The following CREBBP variants were observed in gnomAD, a reference collection of about 807,000 sequenced individuals.
CREBBP encodes the protein CREB binding lysine acetyltransferase, also known as CREB-binding protein.
CREBBP carries 19 observed loss-of-function variants against 265.0 expected under a neutral mutation model. The observed-to-expected ratio is 0.07, with a 90% CI of 0.05 to 0.11. CREBBP has a LOEUF of 0.11. Among genes scored for constraint, CREBBP ranks in the 10% least tolerant of loss-of-function variants. The probability of loss-of-function intolerance (pLI) is 1.00; values close to 1 mark genes in which losing one functional copy is unlikely to be tolerated. For missense variants in CREBBP, 2,525 were observed against 3,219.0 expected (o/e 0.78, Z 5.22); for synonymous variants, 1,457 against 1,223.7 (o/e 1.19, Z -3.98).
At chr16:3,842,519 ATTG>A (rs2054583465) in intron 2 of CREBBP, among the ~76,000 whole-genome samples, 1 of 152,208 alleles carries the variant, frequency 6.6e-6, no homozygotes, top group African/African-American at 2.4e-5. Flanking sequence ...AAATAAAGAA[ATTG>A]TTTTTTCTTT....
intron 2 of CREBBP, among the ~76,000 whole-genome samples, chr16:3,835,127 C>A (rs2054418766): frequency 2.0e-5 from 3 of 152,264 alleles, no homozygotes; most frequent in Middle Eastern, 3.4e-3. Context: ...CCACTGCACT[C>A]CGGCCTGGGC....
chr16:3,850,269 A>T (rs773649433), intron 2 of CREBBP, 28 bp downstream of exon 2: 1 of 1,611,230 alleles, frequency 6.2e-7, no homozygotes, highest in South Asian at 1.1e-5. Context: ...TTAGGTAGGA[A>T]GTATTGAAAG....
chr16:3,836,125 C>CA (rs1374943534), intron 2 of CREBBP, among the ~76,000 whole-genome samples: 1 of 151,916 alleles, frequency 6.6e-6, no homozygotes, highest in Non-Finnish European at 1.5e-5. Context: ...TGAGAACAGG[C>CA]AAAGCAATTC....
rs551393304 is a variant in CREBBP, at chr16:3,747,267, A to G, written c.3837-1913T>C. ...ACACTAGAACCAGTGCTATTCTTCA[A>G]AACCTCCTCAGCACATTATAGGATA... On this transcript the variant is annotated intron_variant, in intron 21 of 30. Transcript: ENST00000262367. Among the ~76,000 whole-genome samples the G allele has an allele frequency of 5.9e-5, 9 of 152,320 alleles. No individual in the cohort carries two copies. The South Asian group carries it at 1.0e-3, about 18-fold the overall frequency.
At chr16:3,868,363 T>C (rs1281516603) in intron 1 of CREBBP, among the ~76,000 whole-genome samples, 3 of 149,878 alleles carry the variant, frequency 2.0e-5, no homozygotes, top group East Asian at 2.1e-4. Context: ...GGGGCCCTTT[T>C]CCTGCCAAAA....
rs2072381 is a variant in CREBBP, at chr16:3,731,312, G to A, written c.5052C>T (p.Ser1684=). 3.6e-3 allele frequency: 5,780 copies of A among 1,614,162 alleles called. 314 individuals are homozygous for A. In the East Asian group the frequency reaches 0.11, roughly 31 times the overall value. Residue 1684 remains serine (S), a synonymous_variant, in exon 30 of 31, where the codon TCC becomes TCT. Transcript: ENST00000262367. This position sits in a 1 kb window ranked among gnomAD's most constrained non-coding sequence, Gnocchi z 7.7. ...CCAGCATGCAGAGCGTGGACCACTT[G>A]GAGCGGCGCAAGGAGGAGAACTCCC... The part of the protein sequence containing the change: ...KHWEFSSLRR[S]KWSTLCMLVE...
chr16:3,803,714 C>T (rs886598098), intron 3 of CREBBP, among the ~76,000 whole-genome samples: 35 of 152,066 alleles, frequency 2.3e-4, no homozygotes, highest in African/African-American at 8.2e-4. Context: ...TCTTCCTGGA[C>T]CCACAGCCAC....
chr16:3,765,114 C>T lies in CREBBP; in HGVS notation c.3250+2606G>A, dbSNP rs534788316. 5.9e-5 allele frequency among the ~76,000 whole-genome samples: 9 copies of T among 152,232 alleles called. No homozygotes were observed. The East Asian group carries it at 1.7e-3, about 29-fold the overall frequency. On this transcript the variant is annotated intron_variant, in intron 16 of 30. Coordinates refer to ENST00000262367, the MANE Select transcript of CREBBP (RefSeq NM_004380.3). Reference sequence around the variant, plus strand: ...TCAGCCTCCCGAGCAGCTGGGACTACAGGCGCCCGCCACCACGCCCGCATA... The same window carrying T: ...TCAGCCTCCCGAGCAGCTGGGACTATAGGCGCCCGCCACCACGCCCGCATA...
intron 13 of CREBBP, among the ~76,000 whole-genome samples, 168 bp from the exon 14 acceptor site, chr16:3,771,154 C>T (rs959586677): frequency 5.9e-5 from 9 of 152,054 alleles, no homozygotes; most frequent in Non-Finnish European, 1.3e-4. Flanking sequence ...CTGCAGCCTC[C>T]GCCTCCTGGG....
In CREBBP at chr16:3,729,161, G is replaced by A. The variant is rs370565083; in HGVS notation, c.5886C>T (p.Ile1962=). ...PPAAVEAARQ[I]EREAQQQQHL... The stretch of plus-strand genomic sequence containing the variant: ...GCTGCTGCTGCTGGGCCTCACGCTC[G>A]ATCTGCCGAGCCGCTTCCACCGCTG... The change falls in exon 31 of 31, where the codon ATC becomes ATT. Residue 1962 remains isoleucine (I), a synonymous_variant. Transcript: ENST00000262367. 198 of 1,472,474 alleles carry A rather than the reference G, an allele frequency of 1.3e-4. No homozygotes were observed. In the African/African-American group the frequency reaches 1.6e-3, roughly 12 times the overall value. The allele number at this position is 1,472,474 out of a possible 1,614,324, so 91.2% of individuals were successfully genotyped here.
At chr16:3,839,716 AGGGGAG>A (rs1238707731) in intron 2 of CREBBP, among the ~76,000 whole-genome samples, 9 of 18,400 alleles carry the variant, frequency 4.9e-4, no homozygotes, top group African/African-American at 1.1e-3. Context: ...AGGGAAGGGG[AGGGGAG>A]GGGGAGGGGG....
chr16:3,880,070 G>T lies in CREBBP; in HGVS notation c.-154C>A. On this transcript the variant is annotated 5_prime_UTR_variant, in exon 1 of 31. Coordinates refer to ENST00000262367, the MANE Select transcript of CREBBP (RefSeq NM_004380.3). Reference sequence around the variant, plus strand: ...CCGAGGGAGAGGGAGGGCGCAGGCCGGGTGGGGGAGGCGGCGGCCAAATCT... The same window carrying T: ...CCGAGGGAGAGGGAGGGCGCAGGCCTGGTGGGGGAGGCGGCGGCCAAATCT... 2 of 394,956 alleles carry T rather than the reference G, an allele frequency of 5.1e-6. No homozygotes were observed. Among genetic ancestry groups the T allele is most frequent in the South Asian group, 1.1e-4 (1 of 8,870 alleles). The allele number at this position is 394,956 out of a possible 1,614,324, so 24.5% of individuals were successfully genotyped here.
chr16:3,787,859 A>T (rs1438431434), intron 5 of CREBBP, among the ~76,000 whole-genome samples: 1 of 152,130 alleles, frequency 6.6e-6, no homozygotes, highest in Non-Finnish European at 1.5e-5. Context: ...GTATTTTAGT[A>T]GAGACGGGGT....
intron 2 of CREBBP, among the ~76,000 whole-genome samples, chr16:3,812,397 T>A (rs562699245): frequency 7.2e-5 from 11 of 152,196 alleles, no homozygotes; most frequent in Non-Finnish European, 1.5e-5. Context: ...CAAGCTGGTC[T>A]TGAACTCCTG....
rs567683502 is a variant in CREBBP, at chr16:3,770,560, A to C, written c.2880+10T>G. ...CTTGGCCCAAAAACAGCAGAGACAG[A>C]GAGGCTTACCGGTGTGCCAGGAGGC... On this transcript the variant is annotated intron_variant, in intron 14 of 30. Transcript: ENST00000262367. 1 of 1,612,074 alleles carries C rather than the reference A, an allele frequency of 6.2e-7. No individual in the cohort carries two copies. Among genetic ancestry groups the C allele is most frequent in the East Asian group, 2.2e-5 (1 of 44,898 alleles).
intron 1 of CREBBP, among the ~76,000 whole-genome samples, chr16:3,872,409 C>T (rs781549729): frequency 3.9e-5 from 6 of 152,126 alleles, no homozygotes; most frequent in Non-Finnish European, 8.8e-5. Context: ...ATTGTAGCAC[C>T]CCTGTCAGCA....
chr16:3,800,085 A>G (rs953351744), intron 3 of CREBBP, among the ~76,000 whole-genome samples: 1 of 152,226 alleles, frequency 6.6e-6, no homozygotes, highest in Non-Finnish European at 1.5e-5. Context: ...CTTTAGTCAC[A>G]GAACATAAAG....
intron 3 of CREBBP, among the ~76,000 whole-genome samples, chr16:3,804,946 G>A (rs1243166044): frequency 6.6e-6 from 1 of 152,230 alleles, no homozygotes; most frequent in Non-Finnish European, 1.5e-5. Context: ...AAATGACCTT[G>A]ACTGAGGCCT....
intron 19 of CREBBP, among the ~76,000 whole-genome samples, chr16:3,756,116 T>C (rs2052580250): frequency 6.6e-6 from 1 of 152,214 alleles, no homozygotes; most frequent in South Asian, 2.1e-4. Context: ...GCCTTCTGTC[T>C]TCTTTGAAGT....
Sources: gnomAD v4.1 joint callset for allele counts (sites outside exome capture counted in the v4.1 genomes callset) on GRCh38, gnomAD v4.1.1 for gene constraint, Gnocchi (gnomAD v3.1) non-coding constraint, MANE v1.5 for transcripts, NCBI Gene and HGNC (gene_info 2026-07-23, HGNC 2026-07-21) for gene names.